The following NHSL1 variants were observed in gnomAD, a reference collection of about 807,000 sequenced individuals.
The protein encoded by NHSL1 is NHS-like protein 1.
NHSL1 carries 48 observed loss-of-function variants against 95.0 expected under a neutral mutation model. The observed-to-expected ratio is 0.51, with a 90% CI of 0.40 to 0.64. NHSL1 has a LOEUF of 0.64. Ranked by LOEUF, NHSL1 falls within the 30% of genes least tolerant of loss-of-function variation. NHSL1 has a pLI of 0.00. For synonymous variants in NHSL1, 783 were observed against 833.9 expected (o/e 0.94, Z 1.05); for missense variants, 1,971 against 2,077.7 (o/e 0.95, Z 1.00).
intron 1 of NHSL1, among the ~76,000 whole-genome samples, chr6:138,684,805 T>G (rs1352303908): frequency 6.6e-6 from 1 of 152,182 alleles, no homozygotes; most frequent in Admixed American, 6.5e-5. Context: ...GAAACCGGCA[T>G]GTGGAACAAG....
intron 1 of NHSL1, among the ~76,000 whole-genome samples, chr6:138,671,299 A>C (rs964878072): frequency 6.6e-6 from 1 of 151,858 alleles, no homozygotes; most frequent in Non-Finnish European, 1.5e-5. Context: ...TCTACTAAAA[A>C]ATTAGCCGGG....
At chr6:138,693,021 C>T (rs1785705930), upstream of NHSL1, among the ~76,000 whole-genome samples, 1 of 151,154 alleles carries the variant, frequency 6.6e-6, no homozygotes, top group Non-Finnish European at 1.5e-5. This position sits in a 1 kb window ranked among gnomAD's most constrained non-coding sequence, Gnocchi z 4.3. Context: ...CGGCGGCGTT[C>T]CTCCACCCGC....
chr6:138,670,442 G>A (rs1364386565), intron 1 of NHSL1, among the ~76,000 whole-genome samples: 3 of 151,226 alleles, frequency 2.0e-5, no homozygotes, highest in South Asian at 2.1e-4. Context: ...CGAGGCGGGC[G>A]GATCACGAGG....
chr6:138,556,952 A>G (rs894420051), intron 1 of NHSL1, among the ~76,000 whole-genome samples: 1 of 152,234 alleles, frequency 6.6e-6, no homozygotes, highest in Non-Finnish European at 1.5e-5. Context: ...TGGAGAAAAG[A>G]GAGTGACAAT....
At chr6:138,630,688 G>T (rs1021650441) in intron 1 of NHSL1, among the ~76,000 whole-genome samples, 1 of 152,128 alleles carries the variant, frequency 6.6e-6, no homozygotes, top group African/African-American at 2.4e-5. Context: ...CCAGCCTTAA[G>T]TTTCCATTTT....
intron 1 of NHSL1, among the ~76,000 whole-genome samples, chr6:138,681,122 A>G (rs1268180835): frequency 6.6e-6 from 1 of 152,264 alleles, no homozygotes; most frequent in Admixed American, 6.5e-5. Context: ...AAAGACATAC[A>G]GAACAATGAG....
intron 4 of NHSL1, among the ~76,000 whole-genome samples, chr6:138,444,459 T>C (rs1776730190): frequency 6.6e-6 from 1 of 152,130 alleles, no homozygotes; most frequent in Admixed American, 6.5e-5. Flanking sequence ...TTTTAGAACA[T>C]GCCGAGTGCC....
intron 1 of NHSL1, among the ~76,000 whole-genome samples, chr6:138,687,047 C>T (rs1785593679): frequency 6.6e-6 from 1 of 152,156 alleles, no homozygotes; most frequent in African/African-American, 2.4e-5. Flanking sequence ...AACATCCTCT[C>T]TAGCATGTGG....
In NHSL1 at chr6:138,564,697, C is replaced by T. The variant is rs575880108; in HGVS notation, c.202+7013G>A. Reference sequence around the variant, plus strand: ...TGAGTCTCCATCCTAAAACAGGTCACGGCTAGTTCAAGACACAGACAAGTA... The same window carrying T: ...TGAGTCTCCATCCTAAAACAGGTCATGGCTAGTTCAAGACACAGACAAGTA... On this transcript the variant is annotated intron_variant, in intron 1 of 6. Coordinates refer to the NHSL1 transcript ENST00000427025. Among the ~76,000 whole-genome samples the T allele has an allele frequency of 3.0e-4, 45 of 151,122 alleles. No homozygotes were observed. In the South Asian group the frequency reaches 5.2e-3, roughly 18 times the overall value.
chr6:138,455,821 G>A (rs917841944), intron 3 of NHSL1, among the ~76,000 whole-genome samples: 16 of 152,308 alleles, frequency 1.1e-4, no homozygotes, highest in Admixed American at 3.3e-4. Flanking sequence ...TCAGAAATTC[G>A]TCAGTAGCTG....
chr6:138,469,009 C>T (rs1009311567), intron 3 of NHSL1, among the ~76,000 whole-genome samples: 2 of 152,126 alleles, frequency 1.3e-5, no homozygotes, highest in African/African-American at 4.8e-5. Flanking sequence ...TAATTTTGTG[C>T]TTGAAGGAGC....
At chr6:138,604,929 T>A (rs1340743621) in intron 1 of NHSL1, among the ~76,000 whole-genome samples, 1 of 152,236 alleles carries the variant, frequency 6.6e-6, no homozygotes, top group South Asian at 2.1e-4. Context: ...CAGCCTGCAC[T>A]ACAATTTAGT....
intron 1 of NHSL1, chr6:138,545,609 C>T (rs1224312903): frequency 2.3e-6 from 3 of 1,288,540 alleles, no homozygotes; most frequent in Middle Eastern, 2.1e-4. Context: ...CAAATGGACA[C>T]GAAGTCCCCT....
intron 3 of NHSL1, among the ~76,000 whole-genome samples, chr6:138,461,449 C>G (rs1777989784): frequency 6.6e-6 from 1 of 152,048 alleles, no homozygotes; most frequent in Non-Finnish European, 1.5e-5. Context: ...GAGGCAATGG[C>G]TAGAGAGGGA....
intron 1 of NHSL1, among the ~76,000 whole-genome samples, chr6:138,618,583 C>T (rs144019513): frequency 5.8e-4 from 89 of 152,212 alleles, no homozygotes; most frequent in African/African-American, 2.0e-3. Context: ...AGCAACAAGA[C>T]ACAAAATCAG....
At position 138,432,228 on chromosome 6, in the gene NHSL1, T is replaced by G. The variant is rs1029566793; in HGVS notation, c.2117A>C (p.His706Pro). ...LNESLIATLQHSLQLSLPGKS... is the reference protein window; with the variant it reads ...LNESLIATLQPSLQLSLPGKS... ...GCCTGGGAGGCTCAGCTGCAGCGAG[T>G]GCTGGAGTGTGGCGATCAGGCTCTC... Residue 706 changes from histidine to proline, a missense_variant, in exon 6 of 8, where the codon CAC becomes CCC. This residue lies in a region of NHSL1 where 1,602 missense variants were observed against 1,654.5 expected (regional missense o/e 0.97). Coordinates refer to ENST00000343505, the MANE Select transcript of NHSL1 (RefSeq NM_001144060.2). This position sits in a 1 kb window ranked among gnomAD's most constrained non-coding sequence, Gnocchi z 4.4. The G allele has an allele frequency of 8.4e-6, 13 of 1,548,270 alleles. No individual in the cohort carries two copies. The highest frequency in any genetic ancestry group is 1.0e-5 in the Non-Finnish European group (12 of 1,145,220).
intron 3 of NHSL1, among the ~76,000 whole-genome samples, chr6:138,447,633 C>T (rs141479934): frequency 2.4e-3 from 360 of 152,138 alleles, no homozygotes; most frequent in African/African-American, 8.2e-3. Flanking sequence ...TTTAGTCAGG[C>T]GTGGTGGTGG....
chr6:138,527,403 T>C (rs1273288037), intron 1 of NHSL1, among the ~76,000 whole-genome samples: 1 of 152,078 alleles, frequency 6.6e-6, no homozygotes, highest in East Asian at 1.9e-4. Flanking sequence ...AAAAAAAGTT[T>C]CTCTTCTTTT....
intron 1 of NHSL1, among the ~76,000 whole-genome samples, chr6:138,588,019 G>A (rs776676747): frequency 1.3e-5 from 2 of 152,254 alleles, no homozygotes; most frequent in South Asian, 2.1e-4. Flanking sequence ...GGTGATGCTC[G>A]CCCCTTGGCG....
Sources: gnomAD v4.1 joint callset for allele counts (sites outside exome capture counted in the v4.1 genomes callset) on GRCh38, gnomAD v4.1.1 for gene constraint, gnomAD v4.1.1 regional missense constraint, Gnocchi (gnomAD v3.1) non-coding constraint, MANE v1.5 for transcripts, NCBI Gene and HGNC (gene_info 2026-07-23, HGNC 2026-07-21) for gene names.